Variants in FBXW8 observed in about 807,000 individuals in gnomAD.
FBXW8 encodes F-box and WD repeat domain containing 8.
In FBXW8, 57 loss-of-function variants were observed where a neutral mutation model predicts 65.3. The observed-to-expected ratio is 0.87, with a 90% CI of 0.71 to 1.09. FBXW8 has a LOEUF of 1.09. Ranked by LOEUF, FBXW8 falls within the 50% of genes least tolerant of loss-of-function variation. FBXW8 has a pLI of 0.00. For missense variants in FBXW8, 777 were observed against 814.8 expected (o/e 0.95, Z 0.57); for synonymous variants, 308 against 330.2 (o/e 0.93, Z 0.73).
At chr12:117,009,029 C>G (rs959296442) in intron 7 of FBXW8, among the ~76,000 whole-genome samples, 8 of 152,160 alleles carry the variant, frequency 5.3e-5, no homozygotes, top group Non-Finnish European at 1.2e-4. Flanking sequence ...ATCGCGGCCA[C>G]TGCACTCCAG....
intron 2 of FBXW8, among the ~76,000 whole-genome samples, chr12:116,928,398 A>G (rs146495575): frequency 1.3e-5 from 2 of 152,302 alleles, no homozygotes; most frequent in Non-Finnish European, 2.9e-5. Flanking sequence ...GTGGCCGACA[A>G]CTTGGTGCTA....
At chr12:116,939,493 C>G (rs773648719) in intron 2 of FBXW8, among the ~76,000 whole-genome samples, 1 of 152,190 alleles carries the variant, frequency 6.6e-6, no homozygotes, top group Non-Finnish European at 1.5e-5. Context: ...TTCTAAGGAA[C>G]TTATTAACAC....
chr12:116,997,218 G>T (rs937478014), intron 7 of FBXW8, among the ~76,000 whole-genome samples: 14 of 152,188 alleles, frequency 9.2e-5, no homozygotes, highest in African/African-American at 3.4e-4. Context: ...TGCTTTTGAG[G>T]ACTGGACCAT....
intron 1 of FBXW8, among the ~76,000 whole-genome samples, chr12:116,923,993 G>A (rs1280250575): frequency 6.6e-6 from 1 of 152,194 alleles, no homozygotes; most frequent in South Asian, 2.1e-4. Context: ...GATTACAGGC[G>A]TGAGCCACTG....
chr12:116,935,764 G>GT (rs1882111012), intron 2 of FBXW8, among the ~76,000 whole-genome samples: 1 of 151,996 alleles, frequency 6.6e-6, no homozygotes, highest in African/African-American at 2.4e-5. Flanking sequence ...CAATTAAAAA[G>GT]TTTACTAGAA....
intron 7 of FBXW8, among the ~76,000 whole-genome samples, chr12:116,989,418 A>T (rs1953182679): frequency 6.6e-6 from 1 of 152,246 alleles, no homozygotes; most frequent in African/African-American, 2.4e-5. Context: ...TATATAGTGT[A>T]TCTCTAGGAT....
At chr12:117,016,641 G>GT (rs1953953823) in intron 8 of FBXW8, among the ~76,000 whole-genome samples, 2 of 147,128 alleles carry the variant, frequency 1.4e-5, no homozygotes, top group East Asian at 3.9e-4. Context: ...CTATTTGTCT[G>GT]GTTTTTTTTT....
At chr12:116,991,709 AT>A (rs1241051406) in intron 7 of FBXW8, among the ~76,000 whole-genome samples, 3 of 152,142 alleles carry the variant, frequency 2.0e-5, no homozygotes, top group Non-Finnish European at 2.9e-5. Context: ...CATTTGGTTT[AT>A]ATTTGTTTGT....
At chr12:116,953,755 A>G (rs1883438463) in intron 4 of FBXW8, among the ~76,000 whole-genome samples, 1 of 151,546 alleles carries the variant, frequency 6.6e-6, no homozygotes, top group Non-Finnish European at 1.5e-5. Context: ...CCTGGGCGAC[A>G]GAGCAAGACT....
At chr12:117,021,050 C>G (rs1954081349) in intron 8 of FBXW8, among the ~76,000 whole-genome samples, 1 of 152,128 alleles carries the variant, frequency 6.6e-6, no homozygotes, top group African/African-American at 2.4e-5. Context: ...CAAGTCACTC[C>G]CCAGAGAAGG....
At chr12:116,920,828 G>A (rs1417608240) in intron 1 of FBXW8, among the ~76,000 whole-genome samples, 1 of 152,206 alleles carries the variant, frequency 6.6e-6, no homozygotes, top group Non-Finnish European at 1.5e-5. Flanking sequence ...TGCCTGCAGT[G>A]TTTGGGACCC....
At chr12:117,005,278 G>A (rs1467036061) in intron 7 of FBXW8, among the ~76,000 whole-genome samples, 1 of 152,202 alleles carries the variant, frequency 6.6e-6, no homozygotes, top group Non-Finnish European at 1.5e-5. Flanking sequence ...GCCTGGCATC[G>A]TGTACCAATC....
chr12:116,956,087 A>G (rs570829242), intron 4 of FBXW8, among the ~76,000 whole-genome samples: 2 of 152,198 alleles, frequency 1.3e-5, no homozygotes, highest in Non-Finnish European at 2.9e-5. Context: ...TTCTATTCAT[A>G]TGAGAGGACA....
chr12:116,919,521 T>C (rs1880714723), intron 1 of FBXW8, among the ~76,000 whole-genome samples: 1 of 152,196 alleles, frequency 6.6e-6, no homozygotes, highest in Non-Finnish European at 1.5e-5. Context: ...GGTGCCATTA[T>C]CGTTAGTACT....
chr12:117,014,732 C>T (rs1429692978), intron 8 of FBXW8, among the ~76,000 whole-genome samples: 1 of 152,168 alleles, frequency 6.6e-6, no homozygotes, highest in Non-Finnish European at 1.5e-5. Flanking sequence ...GCGCATGTGC[C>T]ACATGGGTTG....
chr12:116,933,884 C>CCTG (rs1369378330), intron 2 of FBXW8, among the ~76,000 whole-genome samples: 2 of 151,976 alleles, frequency 1.3e-5, no homozygotes, highest in Non-Finnish European at 2.9e-5. Flanking sequence ...TGTGGAATGT[C>CCTG]CTGCTGCTTT....
intron 7 of FBXW8, among the ~76,000 whole-genome samples, chr12:116,993,290 G>A (rs976757105): frequency 2.0e-5 from 3 of 151,756 alleles, no homozygotes; most frequent in Non-Finnish European, 2.9e-5. Context: ...TTTTAGTAGA[G>A]ACGAAGTTTC....
intron 5 of FBXW8, chr12:116,980,232 A>C (rs1885215620): frequency 6.6e-6 from 1 of 152,274 alleles, no homozygotes; most frequent in African/African-American, 2.4e-5. Context: ...TGTGGTGCAC[A>C]CAAGTTACAT....
At chr12:116,968,109 T>G in intron 5 of FBXW8, among the ~76,000 whole-genome samples, 1 of 152,168 alleles carries the variant, frequency 6.6e-6, no homozygotes, top group Non-Finnish European at 1.5e-5. Context: ...TAGAAGGTAC[T>G]TGGTATGTGT....
Sources: allele counts gnomAD v4.1 joint callset (sites outside exome capture counted in the v4.1 genomes callset), GRCh38; gene constraint gnomAD v4.1.1; transcripts MANE v1.5; gene names NCBI Gene and HGNC (gene_info 2026-07-23, HGNC 2026-07-21).